The following GATA6 variants were observed in gnomAD, a reference collection of about 807,000 sequenced individuals.
GATA6 encodes GATA binding protein 6, also known as transcription factor GATA-6.
GATA6 carries 11 observed loss-of-function variants against 48.1 expected under a neutral mutation model. The observed-to-expected ratio is 0.23, with a 90% CI of 0.14 to 0.38. The LOEUF (loss-of-function observed/expected upper bound fraction) is 0.38. Ranked by LOEUF, GATA6 falls within the 10% of genes least tolerant of loss-of-function variation. The pLI is 1.00. For missense variants in GATA6, 795 were observed against 850.3 expected (o/e 0.93, Z 0.81); for synonymous variants, 419 against 396.1 (o/e 1.06, Z -0.69).
Position 22,171,189 on chromosome 18 carries a change from G to A in GATA6, c.45G>A (p.Gly15=), listed in dbSNP as rs759274902. 8.8e-6 allele frequency: 14 copies of A among 1,599,746 alleles called. No homozygotes were observed. The highest frequency in any genetic ancestry group is 3.3e-5 in the South Asian group (3 of 90,968). The change falls in exon 2 of 7, where the codon GGG becomes GGA. Residue 15 remains glycine (G), a synonymous_variant. Transcript: ENST00000269216. This position sits in a 1 kb window ranked among gnomAD's most constrained non-coding sequence, Gnocchi z 7.1. ...DGGWCLPKRF[G]AAGADASDSR... ...GCTGGTGCTTGCCGAAGCGCTTCGG[G>A]GCCGCGGGTGCGGACGCCAGCGACT...
intron 6 of GATA6, among the ~76,000 whole-genome samples, chr18:22,186,599 C>A (rs778744585): frequency 6.6e-6 from 1 of 152,040 alleles, no homozygotes; most frequent in African/African-American, 2.4e-5. Context: ...TTGGCCAGGA[C>A]GAAAGGAGCC....
At chr18:22,181,362 T>A (rs1019732495) in intron 3 of GATA6, 91 bp from the exon 4 acceptor site, 21 of 1,412,196 alleles carry the variant, frequency 1.5e-5, no homozygotes, top group Non-Finnish European at 3.0e-6. Flanking sequence ...ACATACTTGT[T>A]GATGACAGGG....
In GATA6 at chr18:22,171,234, G is replaced by A; in HGVS notation, c.90G>A (p.Arg30=). 6.3e-7 allele frequency: 1 copy of A among 1,599,118 alleles called. No homozygotes were observed. The highest frequency in any genetic ancestry group is 1.1e-5 in the South Asian group (1 of 90,970). The change falls in exon 2 of 7, where the codon CGG becomes CGA. Residue 30 remains arginine (R), a synonymous_variant. Coordinates refer to ENST00000269216, the MANE Select transcript of GATA6 (RefSeq NM_005257.6). This position sits in a 1 kb window ranked among gnomAD's most constrained non-coding sequence, Gnocchi z 7.1. ...GCGACTCCAGAGCCTTTCCAGCGCG[G>A]GAGCCCTCCACGCCGCCTTCCCCCA... The part of the protein sequence containing the change: ...DASDSRAFPA[R]EPSTPPSPIS...
At chr18:22,187,972 C>T (rs989806414) in intron 6 of GATA6, among the ~76,000 whole-genome samples, 35 of 152,138 alleles carry the variant, frequency 2.3e-4, no homozygotes, top group African/African-American at 8.4e-4. Context: ...TGCAGTGGCT[C>T]ACGCCTGTAA....
In GATA6 at chr18:22,171,212, A is replaced by T; in HGVS notation, c.68A>T (p.Asp23Val). ...RFGAAGADAS[D>V]SRAFPAREPS... ...GGGGCCGCGGGTGCGGACGCCAGCG[A>T]CTCCAGAGCCTTTCCAGCGCGGGAG... The change falls in exon 2 of 7, where the codon GAC becomes GTC. Residue 23 changes from aspartate (D) to valine (V), a missense_variant. Coordinates refer to ENST00000269216, the MANE Select transcript of GATA6 (RefSeq NM_005257.6). This position sits in a 1 kb window ranked among gnomAD's most constrained non-coding sequence, Gnocchi z 7.1. 2 of 1,596,876 alleles carry T rather than the reference A, an allele frequency of 1.3e-6. No individual in the cohort carries two copies. Among genetic ancestry groups the T allele is most frequent in the Non-Finnish European group, 1.7e-6 (2 of 1,178,580 alleles).
In GATA6 at chr18:22,185,029, C is replaced by T. The variant is rs192797024; in HGVS notation, c.1620+1986C>T. ...TCGATATATACCCAACAATGGGCTT[C>T]GGGGACTTGGAACCATTGTGGGTGG... On this transcript the variant is annotated intron_variant, in intron 6 of 6. Transcript: ENST00000269216. The surrounding 1 kb of genome is among the most constrained non-coding windows in gnomAD (Gnocchi z 4.3). Among the ~76,000 whole-genome samples the T allele has an allele frequency of 1.6e-3, 239 of 152,244 alleles. No homozygotes were observed. The highest frequency in any genetic ancestry group is 4.2e-3 in the African/African-American group (176 of 41,562).
In GATA6 at chr18:22,201,007, G is replaced by A. The variant is rs2033456116; in HGVS notation, c.*184G>A. The A allele has an allele frequency of 2.5e-6, 2 of 807,442 alleles. No individual in the cohort carries two copies. Among genetic ancestry groups the A allele is most frequent in the Non-Finnish European group, 3.8e-6 (2 of 523,466 alleles). 50.0% of individuals were successfully genotyped at this position (807,442 alleles called of 1,614,324 possible). ...AGAGTGAGAGAAGATGGAAGGGAAG[G>A]GCCAGTGCAACTGGGCGCTTGGGCC... On this transcript the variant is annotated 3_prime_UTR_variant, in exon 7 of 7. Coordinates refer to ENST00000269216, the MANE Select transcript of GATA6 (RefSeq NM_005257.6).
In GATA6 at chr18:22,171,914, C is replaced by T. The variant is rs929089960; in HGVS notation, c.770C>T (p.Ala257Val). ...AGPGGAGSAA[A>V]HVSARFPYSP... Reference sequence around the variant, plus strand: ...CCTGGCGGCGCTGGCTCAGCCGCGGCGCACGTCTCGGCGCGCTTCCCCTAC... The same window carrying T: ...CCTGGCGGCGCTGGCTCAGCCGCGGTGCACGTCTCGGCGCGCTTCCCCTAC... The change falls in exon 2 of 7, where the codon GCG becomes GTG. Residue 257 changes from alanine (A) to valine (V), a missense_variant. Physicochemically the swap from Ala to Val is moderately conservative, Grantham distance 64 (BLOSUM62 0). Transcript: ENST00000269216. The surrounding 1 kb of genome is among the most constrained non-coding windows in gnomAD (Gnocchi z 7.1). The T allele has an allele frequency of 2.3e-5, 27 of 1,169,566 alleles. No individual in the cohort carries two copies. The highest frequency in any genetic ancestry group is 2.7e-5 in the Non-Finnish European group (26 of 948,464). The allele number at this position is 1,169,566 out of a possible 1,614,324, so 72.4% of individuals were successfully genotyped here.
intron 6 of GATA6, among the ~76,000 whole-genome samples, chr18:22,197,748 C>G (rs1186231257): frequency 1.3e-5 from 2 of 152,214 alleles, no homozygotes; most frequent in African/African-American, 4.8e-5. Flanking sequence ...CTGCACTCAG[C>G]AGGGGACTGA....
At position 22,171,037 on chromosome 18, in the gene GATA6, G is replaced by A; in HGVS notation, c.-37-71G>A. Reference sequence around the variant, plus strand: ...AACTAGAAAAAGGAGTGGAGGCGAGGTAGCGTGCAGCCTACGCTCTTGTTA... The same window carrying A: ...AACTAGAAAAAGGAGTGGAGGCGAGATAGCGTGCAGCCTACGCTCTTGTTA... On this transcript the variant is annotated intron_variant, in intron 1 of 6. Transcript: ENST00000269216. This position sits in a 1 kb window ranked among gnomAD's most constrained non-coding sequence, Gnocchi z 7.1. 3 of 894,776 alleles carry A rather than the reference G, an allele frequency of 3.4e-6. No individual in the cohort carries two copies. The highest frequency in any genetic ancestry group is 3.6e-6 in the Non-Finnish European group (2 of 560,244). 55.4% of individuals were successfully genotyped at this position (894,776 alleles called of 1,614,324 possible).
chr18:22,195,184 C>T (rs371202397), intron 6 of GATA6, among the ~76,000 whole-genome samples: 1 of 152,128 alleles, frequency 6.6e-6, no homozygotes, highest in Non-Finnish European at 1.5e-5. Flanking sequence ...GCTGAAGTTA[C>T]GCTGATGCAT....
In GATA6 at chr18:22,182,981, T is replaced by C. The variant is rs2033217425; in HGVS notation, c.1558T>C (p.Ser520Pro). 1 of 1,614,154 alleles carries C rather than the reference T, an allele frequency of 6.2e-7. No homozygotes were observed. The highest frequency in any genetic ancestry group is 8.5e-7 in the Non-Finnish European group (1 of 1,179,980). Residue 520 changes from serine (S) to proline (P), a missense_variant, in exon 6 of 7, where the codon TCT becomes CCT. By Grantham distance (74) the Ser-to-Pro change is moderately conservative. Transcript: ENST00000269216. ...CATTCCCATGACTCCAACTTCCACC[T>C]CTTCTAACTCAGATGATTGCAGCAA... ...NSIPMTPTST[S>P]SNSDDCSKNT...
At position 22,172,111 on chromosome 18, in the gene GATA6, TACCACCACCACC is replaced by T. The variant is rs562588574; in HGVS notation, c.987_998del (p.His330_His333del). The T allele has an allele frequency of 1.4e-4, 199 of 1,463,802 alleles. No individual in the cohort carries two copies. The highest frequency in any genetic ancestry group is 1.4e-4 in the Non-Finnish European group (157 of 1,104,550). The allele number at this position is 1,463,802 out of a possible 1,614,324, so 90.7% of individuals were successfully genotyped here. On this transcript the variant is annotated inframe_deletion, in exon 2 of 7. Transcript: ENST00000269216. The surrounding 1 kb of genome is among the most constrained non-coding windows in gnomAD (Gnocchi z 5.2). Reference sequence around the variant, plus strand: ...GGCCGCGCGGCCGCTGAACGGGACGTACCACCACCACCACCACCACCACCACCACCATCCGAG... The same window carrying T: ...GGCCGCGCGGCCGCTGAACGGGACGTACCACCACCACCACCACCATCCGAG...
intron 6 of GATA6, among the ~76,000 whole-genome samples, chr18:22,200,201 G>A (rs1170274792): frequency 2.8e-5 from 4 of 144,684 alleles, no homozygotes; most frequent in Non-Finnish European, 6.3e-5. Flanking sequence ...GTGTGTGTGT[G>A]CGCGCGCACG....
intron 6 of GATA6, among the ~76,000 whole-genome samples, chr18:22,188,310 A>T (rs932301808): frequency 6.6e-6 from 1 of 152,214 alleles, no homozygotes; most frequent in South Asian, 2.1e-4. Flanking sequence ...AGAGACAGGT[A>T]TAGATGTAGA....
Position 22,171,301 on chromosome 18 carries a change from G to C in GATA6, c.157G>C (p.Gly53Arg). 1 of 1,591,228 alleles carries C rather than the reference G, an allele frequency of 6.3e-7. No homozygotes were observed. Among genetic ancestry groups the C allele is most frequent in the South Asian group, 1.1e-5 (1 of 90,486 alleles). ...CTCCTGCTCCCGGGGCGGAGAGCGG[G>C]GCCCCGGCGGCGCCAGCAACTGCGG... Reference protein sequence around the residue: ...SSSCSRGGERGPGGASNCGTP... With the variant: ...SSSCSRGGERRPGGASNCGTP... Residue 53 changes from glycine to arginine, a missense_variant, in exon 2 of 7, where the codon GGC (glycine) becomes CGC (arginine). Transcript: ENST00000269216. This position sits in a 1 kb window ranked among gnomAD's most constrained non-coding sequence, Gnocchi z 7.1.
intron 6 of GATA6, among the ~76,000 whole-genome samples, chr18:22,188,204 C>T (rs779238991): frequency 6.6e-6 from 1 of 152,152 alleles, no homozygotes; most frequent in Non-Finnish European, 1.5e-5. Context: ...ATATATATGA[C>T]CAGCCCTTGC....
Position 22,172,367 on chromosome 18 carries a change from T to A in GATA6, c.1135+88T>A. On this transcript the variant is annotated intron_variant, in intron 2 of 6. Transcript: ENST00000269216. The surrounding 1 kb of genome is among the most constrained non-coding windows in gnomAD (Gnocchi z 5.2). ...GAGCAGCTGCTCCACTCGGGCCCTG[T>A]TTTCAGGACTTTCTCGTCCGGGTGC... 1 of 1,477,564 alleles carries A rather than the reference T, an allele frequency of 6.8e-7. No homozygotes were observed. Among genetic ancestry groups the A allele is most frequent in the Non-Finnish European group, 9.0e-7 (1 of 1,114,374 alleles). The allele number at this position is 1,477,564 out of a possible 1,614,324, so 91.5% of individuals were successfully genotyped here. A position where few individuals can be genotyped will look rare whatever the true frequency, so the allele number is the denominator to read the frequency against.
Position 22,177,074 on chromosome 18 carries a change from A to G in GATA6, c.1255A>G (p.Lys419Glu). Residue 419 changes from lysine (K) to glutamate (E), a missense_variant, in exon 3 of 7, where the codon AAG becomes GAG. Physicochemically the swap from Lys to Glu is moderately conservative, Grantham distance 56. Coordinates refer to ENST00000269216, the MANE Select transcript of GATA6 (RefSeq NM_005257.6). ...GTGCAACGCCTGCGGGCTCTACAGC[A>G]AGATGAACGGCCTCAGCCGGCCCCT... ...YLCNACGLYS[K>E]MNGLSRPLIK... The G allele has an allele frequency of 1.3e-6, 2 of 1,569,470 alleles. No homozygotes were observed. Among genetic ancestry groups the G allele is most frequent in the Non-Finnish European group, 1.7e-6 (2 of 1,159,180 alleles).
Sources: gnomAD v4.1 joint callset for allele counts (sites outside exome capture counted in the v4.1 genomes callset) on GRCh38, gnomAD v4.1.1 for gene constraint, Gnocchi (gnomAD v3.1) non-coding constraint, MANE v1.5 for transcripts, NCBI Gene and HGNC (gene_info 2026-07-23, HGNC 2026-07-21) for gene names.